The following ZNF385D variants were observed in gnomAD, a reference collection of about 807,000 sequenced individuals.
ZNF385D encodes zinc finger protein 659.
ZNF385D carries 15 observed loss-of-function variants against 35.8 expected under a neutral mutation model. That is an observed-to-expected ratio of 0.42 (90% confidence interval 0.28 to 0.64). ZNF385D has a LOEUF of 0.64. ZNF385D is among the 30% of genes least tolerant of loss of function. The pLI is 0.23. For missense variants in ZNF385D, 474 were observed against 494.6 expected, an observed-to-expected ratio of 0.96 and a Z score of 0.39; for synonymous variants, 212 against 186.8, an observed-to-expected ratio of 1.13 and a Z score of -1.10.
chr3:21,811,589 C>T lies in ZNF385D; in HGVS notation c.326-146561G>A, dbSNP rs141482124. Among the ~76,000 whole-genome samples, 17 of 152,124 alleles carry T rather than the reference C, an allele frequency of 1.1e-4. No individual in the cohort carries two copies. The East Asian group carries it at 1.9e-3, about 17-fold the overall frequency. ...GTATTTGGAGGTTTCCAATGTATGG[C>T]GATAACTAACTTCTCTGAAACTTGT... On this transcript the variant is annotated intron_variant, in intron 3 of 5. Coordinates refer to the ZNF385D transcript ENST00000494108.
chr3:21,924,604 C>G (rs1700634058), intron 3 of ZNF385D, among the ~76,000 whole-genome samples: 1 of 152,028 alleles, frequency 6.6e-6, no homozygotes. Flanking sequence ...ATCCTTGTCT[C>G]CTGTACCCTT....
intron 4 of ZNF385D, among the ~76,000 whole-genome samples, chr3:21,507,719 A>T (rs980477375): frequency 6.6e-6 from 1 of 152,208 alleles, no homozygotes; most frequent in African/African-American, 2.4e-5. Context: ...CTATAGCCAC[A>T]TGCCACTGTG....
chr3:22,169,721 A>G (rs1223032909), intron 2 of ZNF385D, among the ~76,000 whole-genome samples: 1 of 152,206 alleles, frequency 6.6e-6, no homozygotes, highest in Non-Finnish European at 1.5e-5. Context: ...ACTTCTGGAT[A>G]AATGTACGCT....
intron 3 of ZNF385D, among the ~76,000 whole-genome samples, chr3:21,808,186 C>T (rs1264422234): frequency 1.3e-5 from 2 of 152,008 alleles, no homozygotes; most frequent in Non-Finnish European, 1.5e-5. Flanking sequence ...AAATTAGTAT[C>T]AAAACTGTTA....
intron 5 of ZNF385D, among the ~76,000 whole-genome samples, chr3:21,427,786 C>T (rs935094621): frequency 1.3e-5 from 2 of 152,050 alleles, no homozygotes; most frequent in South Asian, 2.1e-4. Context: ...TTGGGTTGTT[C>T]GAATTATTAT....
chr3:21,575,579 C>T (rs1259820892), intron 2 of ZNF385D, among the ~76,000 whole-genome samples: 1 of 152,196 alleles, frequency 6.6e-6, no homozygotes, highest in East Asian at 1.9e-4. Context: ...CTCTTTTTCC[C>T]TGTGCTTTTT....
At chr3:21,936,384 G>A (rs1250635650) in intron 3 of ZNF385D, among the ~76,000 whole-genome samples, 1 of 123,208 alleles carries the variant, frequency 8.1e-6, no homozygotes, top group East Asian at 2.5e-4. Flanking sequence ...TAGCTGAGAT[G>A]TGTAACAATT....
chr3:21,432,831 C>T (rs867034301), intron 5 of ZNF385D, among the ~76,000 whole-genome samples: 2 of 151,766 alleles, frequency 1.3e-5, no homozygotes, highest in Non-Finnish European at 2.9e-5. Context: ...CTGTTCAAAT[C>T]CTGTATTCTA....
intron 3 of ZNF385D, among the ~76,000 whole-genome samples, chr3:21,979,309 A>G (rs1694268238): frequency 6.6e-6 from 1 of 152,202 alleles, no homozygotes; most frequent in South Asian, 2.1e-4. Context: ...TTAACCCCAC[A>G]TGTCACTATT....
intron 3 of ZNF385D, among the ~76,000 whole-genome samples, chr3:21,796,303 T>C (rs904346194): frequency 1.3e-5 from 2 of 152,152 alleles, no homozygotes; most frequent in African/African-American, 2.4e-5. Context: ...AGACCAGCAT[T>C]ATCCTTATAC....
intron 3 of ZNF385D, among the ~76,000 whole-genome samples, chr3:21,992,700 A>T (rs558885589): frequency 6.6e-6 from 1 of 152,194 alleles, no homozygotes; most frequent in Non-Finnish European, 1.5e-5. Context: ...CCAAGTCATT[A>T]CATTTTCTTC....
intron 1 of ZNF385D, among the ~76,000 whole-genome samples, chr3:21,670,253 CT>C (rs2066524436): frequency 6.6e-6 from 1 of 151,524 alleles, no homozygotes; most frequent in Non-Finnish European, 1.5e-5. Flanking sequence ...AATATATATA[CT>C]TATTTATATT....
intron 3 of ZNF385D, among the ~76,000 whole-genome samples, chr3:21,835,510 T>C (rs1009519966): frequency 1.5e-5 from 2 of 132,130 alleles, no homozygotes; most frequent in Non-Finnish European, 3.2e-5. Context: ...TGGATCAAAG[T>C]GATACTACTT....
chr3:21,508,225 G>A (rs1706935036), intron 4 of ZNF385D, among the ~76,000 whole-genome samples: 1 of 152,124 alleles, frequency 6.6e-6, no homozygotes, highest in African/African-American at 2.4e-5. Context: ...TGTTAGGTAA[G>A]TTCTGGCATG....
chr3:22,093,410 T>C (rs1407197466), intron 3 of ZNF385D, among the ~76,000 whole-genome samples: 3 of 151,774 alleles, frequency 2.0e-5, no homozygotes, highest in Non-Finnish European at 4.4e-5. Flanking sequence ...AGTAAAACAT[T>C]AAATTTATTT....
chr3:22,203,302 T>C (rs7624502), intron 2 of ZNF385D, among the ~76,000 whole-genome samples: 20,079 of 152,074 alleles, frequency 0.13, 1,399 homozygotes, highest in Middle Eastern at 0.18. Flanking sequence ...GAAGGGAATA[T>C]GCTGCCTGAA....
At chr3:22,138,117 A>G (rs1319760491) in intron 3 of ZNF385D, among the ~76,000 whole-genome samples, 1 of 152,150 alleles carries the variant, frequency 6.6e-6, no homozygotes, top group Non-Finnish European at 1.5e-5. Context: ...AAGGGACGTG[A>G]AGGACATCTT....
At chr3:22,287,178 A>G (rs35150487) in intron 2 of ZNF385D, among the ~76,000 whole-genome samples, 5 of 152,004 alleles carry the variant, frequency 3.3e-5, no homozygotes, top group Non-Finnish European at 5.9e-5. Context: ...TACGTTGTCT[A>G]ATATAAGTAT....
chr3:22,043,780 C>A (rs191479738), intron 3 of ZNF385D, among the ~76,000 whole-genome samples: 2 of 152,172 alleles, frequency 1.3e-5, no homozygotes, highest in East Asian at 3.9e-4. Context: ...GACAGGTTGT[C>A]ATTTCCAACA....
Sources: allele counts gnomAD v4.1 joint callset (sites outside exome capture counted in the v4.1 genomes callset), GRCh38; gene constraint gnomAD v4.1.1; transcripts MANE v1.5; gene names NCBI Gene and HGNC (gene_info 2026-07-23, HGNC 2026-07-21).